The following ABCB1 variants were observed in gnomAD, a reference collection of about 807,000 sequenced individuals.
The protein encoded by ABCB1 is ATP-dependent translocase ABCB1.
Under a neutral mutation model 142.0 loss-of-function variants are expected in ABCB1, and 69 were observed. The ratio of observed to expected loss-of-function variants is 0.49; its 90% confidence interval spans 0.40 to 0.59. ABCB1 has a LOEUF of 0.59. Among genes scored for constraint, ABCB1 ranks in the 20% least tolerant of loss-of-function variants. ABCB1 has a pLI of 0.00. For missense variants in ABCB1, 1,326 were observed against 1,554.7 expected (o/e 0.85, Z 2.47); for synonymous variants, 532 against 539.2 (o/e 0.99, Z 0.18).
At chr7:87,588,692 C>A (rs1215421845) in intron 3 of ABCB1, among the ~76,000 whole-genome samples, 1 of 152,186 alleles carries the variant, frequency 6.6e-6, no homozygotes, top group Non-Finnish European at 1.5e-5. Flanking sequence ...TTTGGGTATA[C>A]ACCCAGTAAT....
Position 87,544,216 on chromosome 7 carries a change from C to A in ABCB1, c.2124G>T (p.Trp708Cys), listed in dbSNP as rs1331432775. The A allele has an allele frequency of 6.2e-7, 1 of 1,613,682 alleles. No individual in the cohort carries two copies. The highest frequency in any genetic ancestry group is 2.2e-5 in the East Asian group (1 of 44,832). ...WRIMKLNLTE[W>C]PYFVVGVFCA... ...AAAATACACCAACAACAAAATAAGGCCATTCAGTTAAATTTAGCTTCATAA... is the reference window on the plus strand; with the variant it reads ...AAAATACACCAACAACAAAATAAGGACATTCAGTTAAATTTAGCTTCATAA... The change falls in exon 17 of 28, where the codon TGG becomes TGT. Residue 708 changes from tryptophan (W) to cysteine (C), a missense_variant. Physicochemically the swap from Trp to Cys is radical, Grantham distance 215 (BLOSUM62 -2). Coordinates refer to ENST00000622132, the MANE Select transcript of ABCB1 (RefSeq NM_001348946.2).
intron 21 of ABCB1, among the ~76,000 whole-genome samples, chr7:87,530,154 C>G (rs1413395599): frequency 6.6e-6 from 1 of 152,204 alleles, no homozygotes; most frequent in Non-Finnish European, 1.5e-5. Context: ...GGCCTACTGA[C>G]AACCAGAGCC....
At chr7:87,683,263 A>G (rs1363641918) in intron 1 of ABCB1, among the ~76,000 whole-genome samples, 2 of 152,168 alleles carry the variant, frequency 1.3e-5, no homozygotes, top group Admixed American at 6.5e-5. Context: ...AACTTTCTTC[A>G]TATCAGCAAT....
At chr7:87,544,048 C>G in intron 17 of ABCB1, 81 bp downstream of exon 17, 2 of 1,542,738 alleles carry the variant, frequency 1.3e-6, no homozygotes, top group East Asian at 4.5e-5. Flanking sequence ...TTTTGTATCC[C>G]AGTTCAGACA....
At chr7:87,509,132 G>A in intron 26 of ABCB1, 143 bp downstream of exon 26, 1 of 812,142 alleles carries the variant, frequency 1.2e-6, no homozygotes, top group Non-Finnish European at 2.1e-6. Context: ...CAGGAAGTGT[G>A]GCCAGATGCT....
chr7:87,691,920 T>A (rs1272559983), intron 1 of ABCB1, among the ~76,000 whole-genome samples: 1 of 152,064 alleles, frequency 6.6e-6, no homozygotes, highest in African/African-American at 2.4e-5. Context: ...AAAATGAGAG[T>A]TGTTGAAATT....
At chr7:87,575,738 T>C (rs1386410637) in intron 4 of ABCB1, among the ~76,000 whole-genome samples, 2 of 152,216 alleles carry the variant, frequency 1.3e-5, no homozygotes, top group African/African-American at 2.4e-5. Context: ...TTCCAGGAAC[T>C]ACAGTCTTTT....
At chr7:87,556,181 A>G (rs981029443) in intron 8 of ABCB1, among the ~76,000 whole-genome samples, 2 of 152,264 alleles carry the variant, frequency 1.3e-5, no homozygotes, top group African/African-American at 4.8e-5. Context: ...TTATATAACA[A>G]AACCATTGGT....
chr7:87,664,955 A>G (rs1031691420), intron 1 of ABCB1, among the ~76,000 whole-genome samples: 1 of 152,146 alleles, frequency 6.6e-6, no homozygotes, highest in African/African-American at 2.4e-5. Flanking sequence ...ATGTACCTCA[A>G]CATAATAAAG....
chr7:87,521,444 C>T (rs1483067333), intron 21 of ABCB1: 2 of 700,768 alleles, frequency 2.9e-6, no homozygotes, highest in Non-Finnish European at 5.2e-6. Flanking sequence ...CTTAAAGTCT[C>T]TCTTTCCCCT....
chr7:87,599,283 C>G (rs1003531009), intron 2 of ABCB1, among the ~76,000 whole-genome samples: 1 of 152,094 alleles, frequency 6.6e-6, no homozygotes, highest in Non-Finnish European at 1.5e-5. Context: ...GCACCATGAT[C>G]AAAATTTACT....
intron 1 of ABCB1, among the ~76,000 whole-genome samples, chr7:87,626,099 T>TG (rs199877301): frequency 1.0e-5 from 1 of 95,500 alleles, no homozygotes; most frequent in Non-Finnish European, 2.0e-5. Context: ...TATATATATA[T>TG]TGTCATATAT....
intron 4 of ABCB1, among the ~76,000 whole-genome samples, chr7:87,582,268 T>TGTA (rs1818541023): frequency 6.6e-6 from 1 of 152,230 alleles, no homozygotes; most frequent in East Asian, 1.9e-4. Context: ...GTACACTTTG[T>TGTA]GTAGGAGATA....
intron 5 of ABCB1, among the ~76,000 whole-genome samples, chr7:87,568,693 AC>A (rs1417932702): frequency 6.6e-6 from 1 of 152,218 alleles, no homozygotes; most frequent in Admixed American, 6.5e-5. Context: ...CTTGTAACTT[AC>A]AATGCATTTA....
chr7:87,705,831 G>T (rs188668894), intron 1 of ABCB1, among the ~76,000 whole-genome samples: 19 of 152,094 alleles, frequency 1.2e-4, no homozygotes, highest in African/African-American at 4.1e-4. Context: ...TGAATCTTTA[G>T]TTACCACTGT....
intron 1 of ABCB1, chr7:87,713,068 T>C (rs1406213421): frequency 6.6e-6 from 1 of 152,162 alleles, no homozygotes; most frequent in Non-Finnish European, 1.5e-5. Flanking sequence ...TAATTCTAAT[T>C]AAATTTGATT....
intron 21 of ABCB1, among the ~76,000 whole-genome samples, chr7:87,527,375 T>C (rs1815829956): frequency 6.6e-6 from 1 of 152,244 alleles, no homozygotes. Flanking sequence ...GCACCTGCTG[T>C]TGTAGCTGCA....
chr7:87,680,403 T>C (rs1826809074), intron 1 of ABCB1, among the ~76,000 whole-genome samples: 2 of 150,774 alleles, frequency 1.3e-5, no homozygotes, highest in South Asian at 4.2e-4. Flanking sequence ...ATGTGTAGCA[T>C]GCAATTAAAG....
rs28381876 is a variant in ABCB1 at position 87,554,682 on chromosome 7, C to T, written c.828-750G>A. On this transcript the variant is annotated intron_variant, in intron 8 of 27. Transcript: ENST00000622132. ...GTGTCCTTCCCTCTATTAATGCTCCCAACACTTGTCATGCCATAGCTGCCA... is the reference window on the plus strand; with the variant it reads ...GTGTCCTTCCCTCTATTAATGCTCCTAACACTTGTCATGCCATAGCTGCCA... Among the ~76,000 whole-genome samples the T allele has an allele frequency of 9.1e-3, 1,386 of 152,260 alleles. 21 individuals carry two copies. The highest frequency in any genetic ancestry group is 0.031 in the African/African-American group (1,302 of 41,524).
Sources: gnomAD v4.1 joint callset for allele counts (sites outside exome capture counted in the v4.1 genomes callset) on GRCh38, gnomAD v4.1.1 for gene constraint, MANE v1.5 for transcripts, NCBI Gene and HGNC (gene_info 2026-07-23, HGNC 2026-07-21) for gene names.